MEGF9: variants seen among roughly 807,000 people sequenced by gnomAD.
The protein encoded by MEGF9 is multiple epidermal growth factor-like domains protein 9.
MEGF9 carries 6 observed loss-of-function variants against 46.8 expected under a neutral mutation model. The observed-to-expected ratio is 0.13, with a 90% CI of 0.07 to 0.25. The LOEUF (loss-of-function observed/expected upper bound fraction) is 0.25. MEGF9 is among the 10% of genes least tolerant of loss of function. The probability of loss-of-function intolerance (pLI) is 1.00; values close to 1 mark genes in which losing one functional copy is unlikely to be tolerated. For missense variants in MEGF9, 683 were observed against 792.4 expected (o/e 0.86, Z 1.66); for synonymous variants, 302 against 330.7 (o/e 0.91, Z 0.94).
intron 3 of MEGF9, 115 bp from the exon 4 acceptor site, chr9:120,612,654 T>G (rs2043454152): frequency 1.1e-6 from 1 of 884,006 alleles, no homozygotes; most frequent in Non-Finnish European, 1.7e-6. Flanking sequence ...TAATAGGGAT[T>G]GGATAGAGTT....
chr9:120,601,534 A>G lies in MEGF9; in HGVS notation c.*3656T>C, dbSNP rs1416687282. ...GCTTTAATGGTCAATTTACCTGGGA[A>G]TATTGGCGCTAGAGAACAGTGATAT... On this transcript the variant is annotated 3_prime_UTR_variant, in exon 6 of 6. Coordinates refer to ENST00000373930, the MANE Select transcript of MEGF9 (RefSeq NM_001080497.3). The G allele has an allele frequency of 6.6e-6, 1 of 152,200 alleles. No individual in the cohort carries two copies. The highest frequency in any genetic ancestry group is 1.5e-5 in the Non-Finnish European group (1 of 68,044). 9.4% of individuals were successfully genotyped at this position (152,200 alleles called of 1,614,324 possible).
At chr9:120,635,997 T>C (rs1312982624) in intron 2 of MEGF9, among the ~76,000 whole-genome samples, 1 of 152,176 alleles carries the variant, frequency 6.6e-6, no homozygotes, top group Non-Finnish European at 1.5e-5. Flanking sequence ...TACAGTGGCA[T>C]GATCTTGGCT....
At chr9:120,676,213 T>A (rs1227013437) in intron 1 of MEGF9, among the ~76,000 whole-genome samples, 1 of 152,186 alleles carries the variant, frequency 6.6e-6, no homozygotes, top group Non-Finnish European at 1.5e-5. Flanking sequence ...GACAGATCAC[T>A]TGAGTCCACA....
rs1161006047 is a variant in MEGF9 at position 120,604,277 on chromosome 9, A to T, written c.*913T>A. On this transcript the variant is annotated 3_prime_UTR_variant, in exon 6 of 6. Coordinates refer to ENST00000373930, the MANE Select transcript of MEGF9 (RefSeq NM_001080497.3). ...GAAGGACTAAAAATGACGGATGCTC[A>T]CCAGAGTCCCAGCTCTAGCAATATT... 1.3e-5 allele frequency: 2 copies of T among 152,368 alleles called. No individual in the cohort carries two copies. The highest frequency in any genetic ancestry group is 1.3e-4 in the Admixed American group (2 of 15,276). 9.4% of individuals were successfully genotyped at this position (152,368 alleles called of 1,614,324 possible).
At position 120,605,329 on chromosome 9, in the gene MEGF9, T is replaced by A; in HGVS notation, c.1670A>T (p.Glu557Val). 2 of 1,614,056 alleles carry A rather than the reference T, an allele frequency of 1.2e-6. No individual in the cohort carries two copies. The highest frequency in any genetic ancestry group is 1.7e-6 in the Non-Finnish European group (2 of 1,179,904). Reference sequence around the variant, plus strand: ...GTAGCTGCTGAAACTGATATTGTCTTCTTTCAGCTCGATGGTCCAAAAGGG... The same window carrying A: ...GTAGCTGCTGAAACTGATATTGTCTACTTTCAGCTCGATGGTCCAAAAGGG... ...NAPFWTIELK[E>V]DNISFSSYHD... The change falls in exon 6 of 6, where the codon GAA becomes GTA. Residue 557 changes from glutamate to valine, a missense_variant. By Grantham distance (121) the Glu-to-Val change is moderately radical. This residue lies in a region of MEGF9 where 313 missense variants were observed against 421.1 expected (regional missense o/e 0.74). Transcript: ENST00000373930. This position sits in a 1 kb window ranked among gnomAD's most constrained non-coding sequence, Gnocchi z 4.0.
At chr9:120,659,329 C>T in intron 2 of MEGF9, 45 bp downstream of exon 2, 5 of 1,547,088 alleles carry the variant, frequency 3.2e-6, no homozygotes, top group Admixed American at 1.9e-5. Flanking sequence ...TTTTTTTCCC[C>T]TTGCTAAAAT....
At chr9:120,651,133 G>C (rs1436627715) in intron 2 of MEGF9, among the ~76,000 whole-genome samples, 1 of 152,180 alleles carries the variant, frequency 6.6e-6, no homozygotes, top group Admixed American at 6.5e-5. Flanking sequence ...GTTCATCAAA[G>C]GGCTGGTCCT....
At chr9:120,696,224 A>G (rs900245085) in intron 1 of MEGF9, among the ~76,000 whole-genome samples, 3 of 152,190 alleles carry the variant, frequency 2.0e-5, no homozygotes, top group African/African-American at 7.2e-5. Context: ...TTGAATCAAT[A>G]AATGATTTCT....
chr9:120,616,383 TA>T (rs2043472665), intron 3 of MEGF9, among the ~76,000 whole-genome samples: 1 of 151,792 alleles, frequency 6.6e-6, no homozygotes, highest in Non-Finnish European at 1.5e-5. Flanking sequence ...AACATAGCAT[TA>T]AAAAATGGTA....
intron 1 of MEGF9, among the ~76,000 whole-genome samples, chr9:120,660,154 T>C (rs1362528639): frequency 6.6e-6 from 1 of 152,176 alleles, no homozygotes; most frequent in African/African-American, 2.4e-5. Context: ...AATTAAAATA[T>C]TTGGAAAATA....
At position 120,605,449 on chromosome 9, in the gene MEGF9, A is replaced by G. The variant is rs2043416396; in HGVS notation, c.1550T>C (p.Ile517Thr). The change falls in exon 6 of 6, where the codon ATT becomes ACT. Residue 517 changes from isoleucine to threonine, a missense_variant. Ile to Thr is a moderately conservative substitution (Grantham distance 89). This residue lies in a region of MEGF9 where 313 missense variants were observed against 421.1 expected (regional missense o/e 0.74). Coordinates refer to ENST00000373930, the MANE Select transcript of MEGF9 (RefSeq NM_001080497.3). The surrounding 1 kb of genome is among the most constrained non-coding windows in gnomAD (Gnocchi z 4.0). The stretch of plus-strand genomic sequence containing the variant: ...CACAACAATGATGATGACTGTCAAA[A>G]TGATGATGTTAAATTGGGTCCATGA... Reference protein sequence around the residue: ...DVSWTQFNIIILTVIIIVVVL... With the variant: ...DVSWTQFNIITLTVIIIVVVL... 6.2e-7 allele frequency: 1 copy of G among 1,613,946 alleles called. No homozygotes were observed. The highest frequency in any genetic ancestry group is 1.3e-5 in the African/African-American group (1 of 74,940).
chr9:120,635,930 A>G (rs886926508), intron 2 of MEGF9, among the ~76,000 whole-genome samples: 4 of 152,088 alleles, frequency 2.6e-5, no homozygotes, highest in Admixed American at 2.6e-4. Context: ...ACCTGGTGGA[A>G]CAATCATCTC....
chr9:120,641,936 A>C (rs2043605096), intron 2 of MEGF9, among the ~76,000 whole-genome samples: 2 of 152,060 alleles, frequency 1.3e-5, no homozygotes, highest in African/African-American at 4.8e-5. Flanking sequence ...ATTCCTAATG[A>C]TTAATTACAA....
intron 4 of MEGF9, among the ~76,000 whole-genome samples, chr9:120,609,966 C>T (rs1250702050): frequency 2.0e-5 from 3 of 152,068 alleles, no homozygotes; most frequent in Non-Finnish European, 2.9e-5. Flanking sequence ...TAAAAGTATA[C>T]AATTCAATGG....
intron 2 of MEGF9, among the ~76,000 whole-genome samples, chr9:120,645,612 T>C (rs1384587363): frequency 6.6e-6 from 1 of 152,212 alleles, no homozygotes; most frequent in Non-Finnish European, 1.5e-5. Flanking sequence ...GATAATGTGT[T>C]GCATCAAGAG....
rs187939444 is a variant in MEGF9, at chr9:120,602,039, T to C, written c.*3151A>G. ...TCTTCCTTTTTTTTGAGACAGAGTC[T>C]TGCTCTGTCGCCCAGGCTGGAGTGA... On this transcript the variant is annotated 3_prime_UTR_variant, in exon 6 of 6. Coordinates refer to ENST00000373930, the MANE Select transcript of MEGF9 (RefSeq NM_001080497.3). 1 of 152,384 alleles carries C rather than the reference T, an allele frequency of 6.6e-6. No homozygotes were observed. Among genetic ancestry groups the C allele is most frequent in the Admixed American group, 6.5e-5 (1 of 15,302 alleles). The allele number at this position is 152,384 out of a possible 1,614,324, so 9.4% of individuals were successfully genotyped here.
At chr9:120,712,651 C>T (rs1479335446) in intron 1 of MEGF9, among the ~76,000 whole-genome samples, 2 of 152,138 alleles carry the variant, frequency 1.3e-5, no homozygotes, top group Non-Finnish European at 1.5e-5. Context: ...AGGTTCATAA[C>T]CATGTGGGAA....
chr9:120,633,224 T>A (rs538763562), intron 2 of MEGF9, among the ~76,000 whole-genome samples: 1 of 152,284 alleles, frequency 6.6e-6, no homozygotes, highest in East Asian at 1.9e-4. Flanking sequence ...CCAGTGGGCT[T>A]TTCTTTATTG....
At chr9:120,673,935 A>C (rs1476845333) in intron 1 of MEGF9, among the ~76,000 whole-genome samples, 1 of 144,928 alleles carries the variant, frequency 6.9e-6, no homozygotes, top group Non-Finnish European at 1.5e-5. Flanking sequence ...GTGCCACTGC[A>C]CTCCAGCCTG....
Sources: gnomAD v4.1 joint callset for allele counts (sites outside exome capture counted in the v4.1 genomes callset) on GRCh38, gnomAD v4.1.1 for gene constraint, gnomAD v4.1.1 regional missense constraint, Gnocchi (gnomAD v3.1) non-coding constraint, MANE v1.5 for transcripts, NCBI Gene and HGNC (gene_info 2026-07-23, HGNC 2026-07-21) for gene names.